ZNF600: variants seen among roughly 807,000 people sequenced by gnomAD.
ZNF600 encodes zinc finger protein 600, also known as zinc finger protein KR-ZNF1.
Under a neutral mutation model 7.3 loss-of-function variants are expected in ZNF600, and 4 were observed. That is an observed-to-expected ratio of 0.55 (90% CI 0.27 to 1.25). ZNF600 has a LOEUF of 1.25. Ranked by LOEUF, ZNF600 falls within the 50% of genes most tolerant of loss-of-function variation. The pLI, the probability that ZNF600 is intolerant of heterozygous loss-of-function variation, is 0.12. For missense variants in ZNF600, 911 were observed against 922.1 expected (o/e 0.99, Z 0.16); for synonymous variants, 290 against 308.9 (o/e 0.94, Z 0.64).
chr19:52,773,867 T>C (rs1257739837), intron 3 of ZNF600, among the ~76,000 whole-genome samples: 2 of 149,994 alleles, frequency 1.3e-5, no homozygotes, highest in Non-Finnish European at 3.0e-5. Context: ...CAATACTCCA[T>C]CTAAAAAAAA....
chr19:52,823,694 A>G, the ZNF600 span, among the ~76,000 whole-genome samples: 1 of 152,168 alleles, frequency 6.6e-6, no homozygotes, highest in African/African-American at 2.4e-5. Flanking sequence ...TTGCCTTACA[A>G]GGATCGTTCC....
the ZNF600 span, chr19:52,810,754 G>GA: frequency 1.1e-5 from 6 of 533,180 alleles, no homozygotes; most frequent in Admixed American, 3.3e-5. Flanking sequence ...GGAAAGAAGG[G>GA]GAAAAAAAAA....
At chr19:52,823,384 T>C in the ZNF600 span, among the ~76,000 whole-genome samples, 1 of 152,014 alleles carries the variant, frequency 6.6e-6, no homozygotes, top group African/African-American at 2.4e-5. Flanking sequence ...TGGCTAATGC[T>C]TTTGTATTTT....
chr19:52,773,516 A>T (rs1475563358), intron 3 of ZNF600, among the ~76,000 whole-genome samples: 1 of 152,124 alleles, frequency 6.6e-6, no homozygotes, highest in Non-Finnish European at 1.5e-5. Flanking sequence ...CAGTAGAGCA[A>T]TGTAGGAGAC....
chr19:52,767,681 T>C (rs767734757), exon 4 of ZNF600: 9 of 1,614,000 alleles, frequency 5.6e-6, no homozygotes, highest in South Asian at 3.3e-5. Flanking sequence ...TGTGATAACT[T>C]TGATATCTTT....
chr19:52,828,922 A>G, the ZNF600 span, among the ~76,000 whole-genome samples: 2 of 152,100 alleles, frequency 1.3e-5, no homozygotes, highest in South Asian at 2.1e-4. Context: ...ATGCTGTGGC[A>G]GGATCTCGGC....
At chr19:52,817,100 C>T in the ZNF600 span, among the ~76,000 whole-genome samples, 81 of 152,210 alleles carry the variant, frequency 5.3e-4, no homozygotes, top group African/African-American at 1.8e-3. Context: ...AGGCCAGGAA[C>T]GGTGGCTCAC....
chr19:52,821,602 A>G, the ZNF600 span: 9 of 152,258 alleles, frequency 5.9e-5, no homozygotes, highest in African/African-American at 2.2e-4. Context: ...CCGCGGCGTC[A>G]CCGTCATTCC....
At chr19:52,788,242 G>A (rs1004399750), upstream of ZNF600, among the ~76,000 whole-genome samples, 1 of 152,146 alleles carries the variant, frequency 6.6e-6, no homozygotes, top group African/African-American at 2.4e-5. Context: ...GTGTGAGGCA[G>A]GATGCTTCAG....
chr19:52,808,565 C>T, the ZNF600 span, among the ~76,000 whole-genome samples: 5 of 149,386 alleles, frequency 3.3e-5, no homozygotes, highest in Non-Finnish European at 3.0e-5. Flanking sequence ...TCCTGGGAGG[C>T]AGAGGTTGCA....
At chr19:52,802,203 A>G in the ZNF600 span, among the ~76,000 whole-genome samples, 1 of 152,340 alleles carries the variant, frequency 6.6e-6, no homozygotes. Flanking sequence ...TGACAAGATA[A>G]CAAAAGATTA....
Position 52,766,884 on chromosome 19 carries a change from C to T in ZNF600, c.1079G>A (p.Arg360His), listed in dbSNP as rs201768503. 3.3e-5 allele frequency: 53 copies of T among 1,614,088 alleles called. 1 individual carries two copies. The highest frequency in any genetic ancestry group is 4.1e-5 in the Non-Finnish European group (48 of 1,180,032). Residue 360 changes from arginine to histidine, a missense_variant, in exon 4 of 4, where the codon CGT becomes CAT. Transcript: ENST00000648973. Reference sequence around the variant, plus strand: ...CTCTCCAGTATGAATTCTACGATGACGTGCAAGGTTTGATTGCTGATTAAA... The same window carrying T: ...CTCTCCAGTATGAATTCTACGATGATGTGCAAGGTTTGATTGCTGATTAAA...
the ZNF600 span, chr19:52,800,232 A>C: frequency 6.2e-7 from 1 of 1,613,278 alleles, no homozygotes; most frequent in East Asian, 2.2e-5. Context: ...ATGACATGCA[A>C]GGTTTGCTTT....
At chr19:52,808,644 T>TA in the ZNF600 span, among the ~76,000 whole-genome samples, 1,783 of 137,172 alleles carry the variant, frequency 0.013, 20 homozygotes, top group African/African-American at 0.039. Context: ...AAAAAAAAAT[T>TA]AAAAAAAAAA....
chr19:52,787,329 G>A (rs921179054), upstream of ZNF600, among the ~76,000 whole-genome samples: 7 of 152,042 alleles, frequency 4.6e-5, no homozygotes, highest in South Asian at 6.2e-4. Flanking sequence ...TGGGGGTCCA[G>A]GCCATCCTGG....
chr19:52,807,955 A>G, the ZNF600 span: 1 of 1,609,990 alleles, frequency 6.2e-7, no homozygotes, highest in Non-Finnish European at 8.5e-7. Context: ...AAGAGGCAAC[A>G]AGAGAAAATA....
At chr19:52,785,740 A>C (rs543290466) in intron 1 of ZNF600, among the ~76,000 whole-genome samples, 20 of 151,946 alleles carry the variant, frequency 1.3e-4, no homozygotes, top group Admixed American at 2.0e-4. Context: ...GTGGTTCTCC[A>C]TCTGTTCTTG....
At chr19:52,767,507 A>C (rs777676225) in exon 4 of ZNF600, 2 of 1,614,136 alleles carry the variant, frequency 1.2e-6, no homozygotes, top group South Asian at 1.1e-5. Context: ...GCTGATCTTT[A>C]ATAGGCTTGT....
intron 2 of ZNF600, among the ~76,000 whole-genome samples, chr19:52,776,255 A>G (rs986197087): frequency 3.3e-5 from 5 of 152,028 alleles, no homozygotes; most frequent in African/African-American, 1.2e-4. Flanking sequence ...ACATTTGAAT[A>G]TAAACGCTGA....
Sources: gnomAD v4.1 joint callset for allele counts (sites outside exome capture counted in the v4.1 genomes callset) on GRCh38, gnomAD v4.1.1 for gene constraint, MANE v1.5 for transcripts, NCBI Gene and HGNC (gene_info 2026-07-23, HGNC 2026-07-21) for gene names.